ZNF800: variants seen among roughly 807,000 people sequenced by gnomAD.
ZNF800 encodes the protein zinc finger protein 800.
Under a neutral mutation model 59.5 loss-of-function variants are expected in ZNF800, and 13 were observed. The observed-to-expected ratio is 0.22, with a 90% CI of 0.14 to 0.35. The LOEUF (loss-of-function observed/expected upper bound fraction) is 0.35, where lower values mean the gene tolerates loss of function less well. Ranked by LOEUF, ZNF800 falls within the 10% of genes least tolerant of loss-of-function variation. ZNF800 has a pLI of 1.00. For missense variants in ZNF800, 621 were observed against 783.7 expected, an observed-to-expected ratio of 0.79 and a Z score of 2.48; for synonymous variants, 266 against 265.7, an observed-to-expected ratio of 1.00 and a Z score of -0.01.
intron 1 of ZNF800, among the ~76,000 whole-genome samples, chr7:127,350,875 A>T (rs1161226172): frequency 6.6e-6 from 1 of 152,088 alleles, no homozygotes; most frequent in Non-Finnish European, 1.5e-5. Context: ...CCAGAGTGCA[A>T]TTTTTCTTCT....
chr7:127,352,894 G>A (rs1018231652), intron 1 of ZNF800, among the ~76,000 whole-genome samples: 7 of 86,816 alleles, frequency 8.1e-5, no homozygotes, highest in African/African-American at 1.2e-4. Context: ...AAAATCCCAC[G>A]ATTACACACA....
chr7:127,377,287 G>A lies in ZNF800; in HGVS notation c.200C>T (p.Thr67Ile), dbSNP rs1333226673. The change falls in exon 4 of 6, where the codon ACT becomes ATT. Residue 67 changes from threonine to isoleucine, a missense_variant. Physicochemically the swap from Thr to Ile is moderately conservative, Grantham distance 89. This residue lies in a region of ZNF800 where 57 missense variants were observed against 77.1 expected (regional missense o/e 0.74). Coordinates refer to ENST00000265827, the MANE Select transcript of ZNF800 (RefSeq NM_176814.5). This position sits in a 1 kb window ranked among gnomAD's most constrained non-coding sequence, Gnocchi z 4.7. ...GCGGCATAACTTACATTCAAAAATA[G>A]TGTCCACATCTTTTAATAAAATATG... ...LKHILLKDVD[T>I]IFECKLCRSL... is the part of the protein sequence containing the mutation. 1.9e-6 allele frequency: 3 copies of A among 1,610,692 alleles called. No homozygotes were observed. Among genetic ancestry groups the A allele is most frequent in the Non-Finnish European group, 2.5e-6 (3 of 1,177,610 alleles).
rs1053310272 is a variant in ZNF800, at chr7:127,377,921, C to T, written c.158-592G>A. Among the ~76,000 whole-genome samples the T allele has an allele frequency of 6.6e-6, 1 of 151,956 alleles. No individual in the cohort carries two copies. The highest frequency in any genetic ancestry group is 1.5e-5 in the Non-Finnish European group (1 of 67,920). On this transcript the variant is annotated intron_variant, in intron 3 of 5. Coordinates refer to ENST00000265827, the MANE Select transcript of ZNF800 (RefSeq NM_176814.5). This position sits in a 1 kb window ranked among gnomAD's most constrained non-coding sequence, Gnocchi z 4.7. ...CCAACATGGGATTATGGCTATTTAGCGTGATTCTCTACGAAGTAGAGAATC... is the reference window on the plus strand; with the variant it reads ...CCAACATGGGATTATGGCTATTTAGTGTGATTCTCTACGAAGTAGAGAATC...
chr7:127,356,290 A>T (rs1800269550), intron 1 of ZNF800, among the ~76,000 whole-genome samples: 2 of 151,728 alleles, frequency 1.3e-5, no homozygotes, highest in African/African-American at 4.8e-5. Context: ...TGAGAGAGAG[A>T]GAGTGTGTGT....
At chr7:127,356,269 GTA>G (rs1295112443) in intron 1 of ZNF800, among the ~76,000 whole-genome samples, 72 of 124,848 alleles carry the variant, frequency 5.8e-4, no homozygotes, top group Middle Eastern at 7.2e-3. Context: ...GTGTGTGTGT[GTA>G]TGTGTGTGTG....
chr7:127,363,636 G>C (rs1800441544), intron 1 of ZNF800: 1 of 151,538 alleles, frequency 6.6e-6, no homozygotes. Flanking sequence ...GGAGGTCAGG[G>C]AATACTCACT....
intron 2 of ZNF800, among the ~76,000 whole-genome samples, chr7:127,390,940 A>G (rs1801292235): frequency 6.6e-6 from 1 of 152,244 alleles, no homozygotes; most frequent in Admixed American, 6.5e-5. Flanking sequence ...CTAAATAAAA[A>G]AAGAGATTTC....
At chr7:127,388,765 C>A (rs1801219669) in intron 2 of ZNF800, among the ~76,000 whole-genome samples, 1 of 152,118 alleles carries the variant, frequency 6.6e-6, no homozygotes, top group South Asian at 2.1e-4. Context: ...CAAAATAAGC[C>A]CAGGATTAGC....
chr7:127,375,398 G>A (rs187758525), intron 4 of ZNF800, among the ~76,000 whole-genome samples: 114 of 151,952 alleles, frequency 7.5e-4, no homozygotes, highest in African/African-American at 2.6e-3. Flanking sequence ...TCAAATTCTC[G>A]TAACTCAATT....
At chr7:127,362,512 G>A (rs901390574) in intron 1 of ZNF800, 12 of 152,140 alleles carry the variant, frequency 7.9e-5, no homozygotes, top group African/African-American at 2.7e-4. Context: ...GTATCTGTTT[G>A]CCTGCACTGC....
At position 127,385,960 on chromosome 7, in the gene ZNF800, A is replaced by C. The variant is rs951168348; in HGVS notation, c.157+100T>G. ...TAAATATTCTATAAAGAAAGCCAACATATACATTTTAATGTTTTTTAAAAA... is the reference window on the plus strand; with the variant it reads ...TAAATATTCTATAAAGAAAGCCAACCTATACATTTTAATGTTTTTTAAAAA... On this transcript the variant is annotated intron_variant, in intron 3 of 5. Coordinates refer to ENST00000265827, the MANE Select transcript of ZNF800 (RefSeq NM_176814.5). 1.1e-5 allele frequency: 8 copies of C among 733,620 alleles called. No individual in the cohort carries two copies. In the African/African-American group the frequency reaches 1.5e-4, roughly 13 times the overall value. The allele number at this position is 733,620 out of a possible 1,614,324, so 45.4% of individuals were successfully genotyped here. A position where few individuals can be genotyped will look rare whatever the true frequency, so the allele number is the denominator to read the frequency against.
chr7:127,353,463 T>C (rs1172058102), intron 1 of ZNF800, among the ~76,000 whole-genome samples: 1 of 152,212 alleles, frequency 6.6e-6, no homozygotes. Context: ...GAATATGATC[T>C]TACTTGTTCA....
intron 1 of ZNF800, among the ~76,000 whole-genome samples, chr7:127,352,695 A>T (rs1800189869): frequency 1.3e-5 from 2 of 152,220 alleles, no homozygotes; most frequent in Non-Finnish European, 2.9e-5. Flanking sequence ...TAAAGAACTG[A>T]ATTGTGGAAT....
At chr7:127,372,523 A>G in intron 5 of ZNF800, 1 of 736,528 alleles carries the variant, frequency 1.4e-6, no homozygotes, top group Non-Finnish European at 1.7e-6. Context: ...TCTTCCAAAT[A>G]TGAATTTTAC....
intron 3 of ZNF800, among the ~76,000 whole-genome samples, chr7:127,382,086 G>GCT (rs1287241726): frequency 1.3e-5 from 2 of 152,090 alleles, no homozygotes; most frequent in Non-Finnish European, 2.9e-5. Context: ...TGCATGTACT[G>GCT]CTCTAGCATA....
At position 127,374,695 on chromosome 7, in the gene ZNF800, G is replaced by A. The variant is rs766573510; in HGVS notation, c.641C>T (p.Ser214Leu). The A allele has an allele frequency of 7.7e-5, 125 of 1,613,810 alleles. No individual in the cohort carries two copies. The highest frequency in any genetic ancestry group is 4.4e-5 in the South Asian group (4 of 91,070). The change falls in exon 5 of 6, where the codon TCG becomes TTG. Residue 214 changes from serine to leucine, a missense_variant. Around this residue, in one of 7 missense-constraint regions of ZNF800, gnomAD observed 218 missense variants for 230.8 expected, o/e 0.94. Transcript: ENST00000265827. ...GTCAGAAGTTTCCAAGTCAGCCTGC[G>A]ACTCCTGAGGTTGTTCATCAGATGT... ...APTSDEQPQESQADLETSDNS... is the reference protein window; with the variant it reads ...APTSDEQPQELQADLETSDNS...
At chr7:127,365,494 C>T (rs995233988), downstream of ZNF800, among the ~76,000 whole-genome samples, 1 of 152,042 alleles carries the variant, frequency 6.6e-6, no homozygotes, top group African/African-American at 2.4e-5. Context: ...AAAGAAAAGA[C>T]AATTCTTGCT....
At chr7:127,343,995 A>T (rs1800014389), downstream of ZNF800, among the ~76,000 whole-genome samples, 1 of 152,050 alleles carries the variant, frequency 6.6e-6, no homozygotes, top group Admixed American at 6.5e-5. Context: ...CCTGTATTTC[A>T]GTCTAAGAGC....
In ZNF800 at chr7:127,374,474, T is replaced by G. The variant is rs746985986; in HGVS notation, c.862A>C (p.Ser288Arg). Residue 288 changes from serine (S) to arginine (R), a missense_variant, in exon 5 of 6, where the codon AGT becomes CGT. Physicochemically the swap from Ser to Arg is moderately radical, Grantham distance 110. This residue lies in a region of ZNF800 where 218 missense variants were observed against 230.8 expected (regional missense o/e 0.94). Transcript: ENST00000265827. ...AATGATTTACAACATACTGGACAAC[T>G]CCTACTTAATGGAACTAGAACATTC... ...SKNVLVPLSRSCPVCCKSFAT... is the reference protein window; with the variant it reads ...SKNVLVPLSRRCPVCCKSFAT... 5 of 1,614,112 alleles carry G rather than the reference T, an allele frequency of 3.1e-6. No individual in the cohort carries two copies. The highest frequency in any genetic ancestry group is 4.2e-6 in the Non-Finnish European group (5 of 1,179,980).
Sources: gnomAD v4.1 joint callset for allele counts (sites outside exome capture counted in the v4.1 genomes callset) on GRCh38, gnomAD v4.1.1 for gene constraint, gnomAD v4.1.1 regional missense constraint, Gnocchi (gnomAD v3.1) non-coding constraint, MANE v1.5 for transcripts, NCBI Gene and HGNC (gene_info 2026-07-23, HGNC 2026-07-21) for gene names.